The following RAB37 variants were observed in gnomAD, a reference collection of about 807,000 sequenced individuals.
RAB37 encodes the protein ras-related protein Rab-37.
RAB37 carries 29 observed loss-of-function variants against 33.1 expected under a neutral mutation model. The observed-to-expected ratio is 0.88, with a 90% CI of 0.65 to 1.20. The LOEUF (loss-of-function observed/expected upper bound fraction) is 1.20, where lower values mean the gene tolerates loss of function less well. Among genes scored for constraint, RAB37 ranks in the 50% most tolerant of loss-of-function variants. The pLI, the probability that RAB37 is intolerant of heterozygous loss-of-function variation, is 0.00. For synonymous variants in RAB37, 128 were observed against 119.5 expected, an observed-to-expected ratio of 1.07 and a Z score of -0.47; for missense variants, 299 against 301.1, an observed-to-expected ratio of 0.99 and a Z score of 0.05.
At chr17:74,703,509 C>G (rs2033249379) in intron 1 of RAB37, among the ~76,000 whole-genome samples, 1 of 152,184 alleles carries the variant, frequency 6.6e-6, no homozygotes, top group Non-Finnish European at 1.5e-5. Context: ...AGAGTGGGAA[C>G]TTGCACAGTG....
intron 1 of RAB37, among the ~76,000 whole-genome samples, chr17:74,714,396 AACACACAC>A (rs3046673): frequency 2.3e-4 from 32 of 137,960 alleles, no homozygotes; most frequent in Admixed American, 3.7e-4. Context: ...TGTCTCTTTA[AACACACAC>A]ACACACACAC....
intron 1 of RAB37, among the ~76,000 whole-genome samples, chr17:74,678,916 G>T (rs1309730494): frequency 6.6e-6 from 1 of 152,088 alleles, no homozygotes; most frequent in Non-Finnish European, 1.5e-5. Flanking sequence ...TTCAAGATCA[G>T]CCTGGCCAGC....
intron 1 of RAB37, among the ~76,000 whole-genome samples, chr17:74,721,540 C>T (rs1567807602): frequency 6.6e-6 from 1 of 150,844 alleles, no homozygotes; most frequent in Non-Finnish European, 1.5e-5. Context: ...TCAAGTGATT[C>T]TCCTGCCTCA....
At chr17:74,708,296 TA>T (rs2033677677) in intron 1 of RAB37, among the ~76,000 whole-genome samples, 1 of 152,148 alleles carries the variant, frequency 6.6e-6, no homozygotes, top group African/African-American at 2.4e-5. Context: ...TCCGCCAGAA[TA>T]AAACTCCAGA....
At chr17:74,683,659 T>TA in intron 1 of RAB37, among the ~76,000 whole-genome samples, 1 of 152,362 alleles carries the variant, frequency 6.6e-6, no homozygotes, top group African/African-American at 2.4e-5. Flanking sequence ...TGCTGCCAGA[T>TA]AAAAACCCCT....
Position 74,742,389 on chromosome 17 carries a change from C to G in RAB37, c.246+94C>G. ...AGGAGGCCTGCAGCCCTGCCCTCCGCCTGGGGCAATTTCCTGTGGGGCCCA... is the reference window on the plus strand; with the variant it reads ...AGGAGGCCTGCAGCCCTGCCCTCCGGCTGGGGCAATTTCCTGTGGGGCCCA... On this transcript the variant is annotated intron_variant, in intron 3 of 8. Transcript: ENST00000392613. The surrounding 1 kb of genome is among the most constrained non-coding windows in gnomAD (Gnocchi z 4.0). 1 of 989,624 alleles carries G rather than the reference C, an allele frequency of 1.0e-6. No individual in the cohort carries two copies. The highest frequency in any genetic ancestry group is 1.5e-5 in the South Asian group (1 of 66,758). 61.3% of individuals were successfully genotyped at this position (989,624 alleles called of 1,614,324 possible). A position where few individuals can be genotyped will look rare whatever the true frequency, so the allele number is the denominator to read the frequency against.
intron 1 of RAB37, among the ~76,000 whole-genome samples, chr17:74,682,672 AGGCGGGTG>A (rs2031978095): frequency 1.3e-5 from 2 of 152,236 alleles, no homozygotes; most frequent in Non-Finnish European, 2.9e-5. Flanking sequence ...TGGGAGGTCA[AGGCGGGTG>A]GATCACCCGA....
In RAB37 at chr17:74,713,081, C is replaced by T. The variant is rs543447114; in HGVS notation, c.73-16175C>T. The T allele has an allele frequency of 1.3e-4, 66 of 527,708 alleles. 1 individual carries two copies. The highest frequency in any genetic ancestry group is 5.0e-4 in the South Asian group (24 of 47,842). The allele number at this position is 527,708 out of a possible 1,614,324, so 32.7% of individuals were successfully genotyped here. On this transcript the variant is annotated intron_variant, in intron 1 of 7. Coordinates refer to the RAB37 transcript ENST00000340415. ...TGGCACTTTGGGAGGCCAAGGCGGG[C>T]GGATCACGAGATCAGGAGTTCAAGA...
chr17:74,712,500 A>G (rs899153224), intron 1 of RAB37, among the ~76,000 whole-genome samples: 1 of 152,172 alleles, frequency 6.6e-6, no homozygotes, highest in Non-Finnish European at 1.5e-5. Flanking sequence ...CACCCAGTCC[A>G]GGATCAGGCA....
intron 1 of RAB37, among the ~76,000 whole-genome samples, chr17:74,740,033 A>G (rs2034573123): frequency 6.6e-6 from 1 of 151,862 alleles, no homozygotes; most frequent in Non-Finnish European, 1.5e-5. Flanking sequence ...GTGCATGCCT[A>G]TAATCCCAGC....
chr17:74,708,202 C>A (rs2033671221), intron 1 of RAB37, among the ~76,000 whole-genome samples: 1 of 150,794 alleles, frequency 6.6e-6, no homozygotes. Context: ...ATACAATATG[C>A]TAAAATCAGC....
intron 1 of RAB37, among the ~76,000 whole-genome samples, chr17:74,680,518 GT>G (rs1443621591): frequency 6.6e-6 from 1 of 152,142 alleles, no homozygotes; most frequent in Non-Finnish European, 1.5e-5. Flanking sequence ...GGATTCAAAT[GT>G]TTAATGCTAT....
intron 1 of RAB37, among the ~76,000 whole-genome samples, chr17:74,672,470 C>T (rs887025064): frequency 4.6e-5 from 7 of 152,120 alleles, no homozygotes; most frequent in African/African-American, 1.7e-4. Flanking sequence ...AAAAGCTGTA[C>T]GTGATCCTAT....
chr17:74,695,942 G>T, intron 1 of RAB37: 1 of 1,487,118 alleles, frequency 6.7e-7, no homozygotes, highest in Non-Finnish European at 9.1e-7. Context: ...CGGGACGAGA[G>T]CCTCTCCACT....
Position 74,676,466 on chromosome 17 carries a change from C to A in RAB37, c.72+4808C>A, listed in dbSNP as rs1251203667. On this transcript the variant is annotated intron_variant, in intron 1 of 7. Transcript: ENST00000340415. This position sits in a 1 kb window ranked among gnomAD's most constrained non-coding sequence, Gnocchi z 4.1. Reference sequence around the variant, plus strand: ...ATTTCCTCCGACTGCTCTAACACCTCTTCTGGGTGAAAGGAAAAGGCAAGC... The same window carrying A: ...ATTTCCTCCGACTGCTCTAACACCTATTCTGGGTGAAAGGAAAAGGCAAGC... Among the ~76,000 whole-genome samples the A allele has an allele frequency of 6.6e-6, 1 of 152,190 alleles. No homozygotes were observed. Among genetic ancestry groups the A allele is most frequent in the Non-Finnish European group, 1.5e-5 (1 of 68,032 alleles).
At chr17:74,681,371 A>G (rs572826689) in intron 1 of RAB37, among the ~76,000 whole-genome samples, 20 of 152,340 alleles carry the variant, frequency 1.3e-4, no homozygotes, top group Middle Eastern at 3.4e-3. Context: ...GCCCCTCAAC[A>G]CAGGGATCCC....
At chr17:74,683,194 C>T (rs188423802) in intron 1 of RAB37, among the ~76,000 whole-genome samples, 23 of 152,260 alleles carry the variant, frequency 1.5e-4, no homozygotes, top group African/African-American at 4.8e-4. Context: ...CCCTATGAAG[C>T]GATAGGCTTA....
At chr17:74,686,028 C>A (rs1486718648) in intron 1 of RAB37, among the ~76,000 whole-genome samples, 1 of 152,220 alleles carries the variant, frequency 6.6e-6, no homozygotes, top group Non-Finnish European at 1.5e-5. Context: ...AGCACCAGCA[C>A]TGCCCCTGGG....
At chr17:74,723,192 C>T (rs1312728479) in intron 1 of RAB37, among the ~76,000 whole-genome samples, 2 of 152,150 alleles carry the variant, frequency 1.3e-5, no homozygotes, top group Admixed American at 6.6e-5. Flanking sequence ...AGAAAATACT[C>T]GATGGAAAGG....
Sources: gnomAD v4.1 joint callset for allele counts (sites outside exome capture counted in the v4.1 genomes callset) on GRCh38, gnomAD v4.1.1 for gene constraint, Gnocchi (gnomAD v3.1) non-coding constraint, MANE v1.5 for transcripts, NCBI Gene and HGNC (gene_info 2026-07-23, HGNC 2026-07-21) for gene names.